Variants in RBFOX1 observed in about 807,000 individuals in gnomAD.
RBFOX1 encodes RNA binding protein fox-1 homolog 1.
RBFOX1 carries 8 observed loss-of-function variants against 57.7 expected under a neutral mutation model. That is an observed-to-expected ratio of 0.14 (90% CI 0.08 to 0.25). The LOEUF (loss-of-function observed/expected upper bound fraction) is 0.25, where lower values mean the gene tolerates loss of function less well. RBFOX1 is among the 10% of genes least tolerant of loss of function. The pLI is 1.00. For synonymous variants in RBFOX1, 326 were observed against 222.4 expected, an observed-to-expected ratio of 1.47 and a Z score of -4.15; for missense variants, 611 against 548.5, an observed-to-expected ratio of 1.11 and a Z score of -1.14.
intron 2 of RBFOX1, among the ~76,000 whole-genome samples, chr16:6,647,119 G>A (rs1417022554): frequency 2.0e-5 from 3 of 152,162 alleles, no homozygotes; most frequent in East Asian, 3.9e-4. Flanking sequence ...TTCCTGGCTT[G>A]TAGTCAGTCA....
chr16:5,794,573 T>C (rs2054813530), intron 3 of RBFOX1, among the ~76,000 whole-genome samples: 1 of 152,114 alleles, frequency 6.6e-6, no homozygotes, highest in Non-Finnish European at 1.5e-5. Context: ...GAGGTATAGC[T>C]GTCGGGCAGG....
intron 2 of RBFOX1, among the ~76,000 whole-genome samples, chr16:6,622,418 G>C (rs1385268094): frequency 6.6e-6 from 1 of 152,104 alleles, no homozygotes; most frequent in Non-Finnish European, 1.5e-5. Context: ...ACAGTATTCA[G>C]TACAGTAACA....
intron 2 of RBFOX1, among the ~76,000 whole-genome samples, chr16:6,485,559 A>C (rs955769417): frequency 6.6e-6 from 1 of 152,038 alleles, no homozygotes; most frequent in South Asian, 2.1e-4. Context: ...TCTTTCAGGA[A>C]TTCTCCGCTC....
At chr16:5,676,706 C>CA (rs2050179061) in intron 3 of RBFOX1, among the ~76,000 whole-genome samples, 1 of 152,100 alleles carries the variant, frequency 6.6e-6, no homozygotes, top group Non-Finnish European at 1.5e-5. Flanking sequence ...ACTAAAAATA[C>CA]AAAAAACTAG....
chr16:6,861,813 GC>G (rs1261906088), intron 3 of RBFOX1, among the ~76,000 whole-genome samples: 1 of 144,512 alleles, frequency 6.9e-6, no homozygotes, highest in Non-Finnish European at 1.5e-5. Context: ...TTCCTAGCCA[GC>G]GTCCCTTGGT....
chr16:7,433,536 A>G (rs780351380), intron 4 of RBFOX1, among the ~76,000 whole-genome samples: 4 of 152,194 alleles, frequency 2.6e-5, no homozygotes, highest in Non-Finnish European at 5.9e-5. Flanking sequence ...TTGCTGAAAG[A>G]CTGCATGGAG....
chr16:5,950,135 T>C (rs2152275489), intron 4 of RBFOX1, among the ~76,000 whole-genome samples: 1 of 152,334 alleles, frequency 6.6e-6, no homozygotes, highest in African/African-American at 2.4e-5. Flanking sequence ...CTGTAATTGG[T>C]AAGAATGACT....
intron 14 of RBFOX1, among the ~76,000 whole-genome samples, chr16:7,685,055 C>A (rs1248750832): frequency 6.6e-6 from 1 of 152,034 alleles, no homozygotes; most frequent in Admixed American, 6.6e-5. Flanking sequence ...CACCATTGGG[C>A]TCACCAGGAG....
chr16:7,260,349 T>G (rs1016847846), intron 4 of RBFOX1, among the ~76,000 whole-genome samples: 3 of 152,198 alleles, frequency 2.0e-5, no homozygotes, highest in Admixed American at 6.5e-5. Flanking sequence ...TTGTTAAAAT[T>G]TTATTAAACG....
At chr16:6,712,254 C>A (rs1488261890) in intron 3 of RBFOX1, among the ~76,000 whole-genome samples, 5 of 152,086 alleles carry the variant, frequency 3.3e-5, no homozygotes, top group Admixed American at 6.5e-5. Context: ...TGCTATGAAC[C>A]CTTAAGTGTC....
intron 14 of RBFOX1, among the ~76,000 whole-genome samples, chr16:7,706,582 AATAAT>A (rs1416809821): frequency 1.3e-5 from 2 of 152,348 alleles, no homozygotes; most frequent in South Asian, 2.1e-4. Context: ...CAATTTTTAA[AATAAT>A]ATATCTGAAT....
intron 1 of RBFOX1, among the ~76,000 whole-genome samples, chr16:5,429,019 G>A (rs1267533780): frequency 6.6e-6 from 1 of 152,106 alleles, no homozygotes; most frequent in East Asian, 1.9e-4. Flanking sequence ...GAAGTACCAG[G>A]GAGGTTCCAC....
intron 3 of RBFOX1, among the ~76,000 whole-genome samples, chr16:7,001,190 G>A (rs1429488219): frequency 1.3e-5 from 2 of 152,062 alleles, no homozygotes; most frequent in Non-Finnish European, 2.9e-5. Flanking sequence ...GGAGACTAAT[G>A]ATCATTCTAA....
chr16:7,584,852 C>T (rs559316087), intron 6 of RBFOX1, among the ~76,000 whole-genome samples: 89 of 152,264 alleles, frequency 5.8e-4, no homozygotes, highest in African/African-American at 1.8e-3. Flanking sequence ...CTTGTTTCAC[C>T]GGCTTTGAGA....
intron 3 of RBFOX1, among the ~76,000 whole-genome samples, chr16:5,657,565 C>G (rs915872193): frequency 2.0e-5 from 3 of 152,102 alleles, no homozygotes; most frequent in Admixed American, 1.3e-4. Context: ...ACTTGCTGGA[C>G]TTGGAGGGTT....
rs111261461 is a variant in RBFOX1 at position 7,168,661 on chromosome 16, C to T, written c.27+116563C>T. ...GCATATTTCACTGAGAAGCCTCCAC[C>T]ACTTCTAGCCATAACTTCCTTTCCT... On this transcript the variant is annotated intron_variant, in intron 4 of 15. Coordinates refer to ENST00000550418, the MANE Select transcript of RBFOX1 (RefSeq NM_018723.4). 9.1e-3 allele frequency among the ~76,000 whole-genome samples: 1,391 copies of T among 152,232 alleles called. 23 individuals carry two copies. Among genetic ancestry groups the T allele is most frequent in the African/African-American group, 0.032 (1,312 of 41,520 alleles).
chr16:6,784,587 A>G (rs890057390), intron 3 of RBFOX1, among the ~76,000 whole-genome samples: 2 of 152,218 alleles, frequency 1.3e-5, no homozygotes, highest in East Asian at 1.9e-4. Context: ...GAGAGGTCAC[A>G]TATCTCTGTA....
chr16:6,076,373 G>C (rs4447432), intron 1 of RBFOX1, among the ~76,000 whole-genome samples: 66,744 of 151,588 alleles, frequency 0.44, 15,117 homozygotes, highest in Non-Finnish European at 0.51. Context: ...CCACCTCTTT[G>C]GGTTACATAT....
chr16:6,629,739 C>G (rs1042598997), intron 2 of RBFOX1, among the ~76,000 whole-genome samples: 1 of 152,182 alleles, frequency 6.6e-6, no homozygotes, highest in African/African-American at 2.4e-5. Flanking sequence ...CCTTTCCTTT[C>G]TAACCACATT....
Sources: allele counts gnomAD v4.1 joint callset (sites outside exome capture counted in the v4.1 genomes callset), GRCh38; gene constraint gnomAD v4.1.1; transcripts MANE v1.5; gene names NCBI Gene and HGNC (gene_info 2026-07-23, HGNC 2026-07-21).